ARHGAP21: variants seen among roughly 807,000 people sequenced by gnomAD.
The protein encoded by ARHGAP21 is Rho GTPase activating protein 21.
A neutral mutation model predicts 164.6 loss-of-function variants in ARHGAP21; 38 were observed. That is an observed-to-expected ratio of 0.23 (90% CI 0.18 to 0.30). The LOEUF (loss-of-function observed/expected upper bound fraction) is 0.30, where lower values mean the gene tolerates loss of function less well. ARHGAP21 is among the 10% of genes least tolerant of loss of function. The pLI, the probability that ARHGAP21 is intolerant of heterozygous loss-of-function variation, is 1.00. For synonymous variants in ARHGAP21, 766 were observed against 857.9 expected, an observed-to-expected ratio of 0.89 and a Z score of 1.87; for missense variants, 1,822 against 2,370.7, an observed-to-expected ratio of 0.77 and a Z score of 4.81.
chr10:24,660,961 A>G (rs1329024060), intron 4 of ARHGAP21, among the ~76,000 whole-genome samples: 1 of 152,120 alleles, frequency 6.6e-6, no homozygotes, highest in Non-Finnish European at 1.5e-5. Context: ...ACTGTCATCA[A>G]CTTTGGATGG....
At chr10:24,697,317 T>C (rs1273766539) in intron 2 of ARHGAP21, among the ~76,000 whole-genome samples, 2 of 151,428 alleles carry the variant, frequency 1.3e-5, no homozygotes, top group Non-Finnish European at 2.9e-5. Flanking sequence ...ATATGACAAA[T>C]AGAGGGATGA....
intron 9 of ARHGAP21, among the ~76,000 whole-genome samples, chr10:24,608,232 C>T (rs1213843090): frequency 1.3e-5 from 2 of 152,142 alleles, no homozygotes; most frequent in Non-Finnish European, 2.9e-5. Context: ...TCATGTAACA[C>T]CCTGAAAGAA....
At chr10:24,619,113 G>T (rs555728169) in intron 9 of ARHGAP21, among the ~76,000 whole-genome samples, 2 of 152,282 alleles carry the variant, frequency 1.3e-5, no homozygotes, top group Non-Finnish European at 2.9e-5. Flanking sequence ...TGAAAGGTTG[G>T]TAACTAATTA....
intron 2 of ARHGAP21, among the ~76,000 whole-genome samples, chr10:24,682,464 CCA>C (rs1174568262): frequency 6.6e-6 from 1 of 152,134 alleles, no homozygotes; most frequent in Non-Finnish European, 1.5e-5. Context: ...AGTCCTAATG[CCA>C]CAGAGATCAA....
chr10:24,675,928 A>C (rs1841175006), intron 2 of ARHGAP21, among the ~76,000 whole-genome samples: 1 of 152,198 alleles, frequency 6.6e-6, no homozygotes, highest in Non-Finnish European at 1.5e-5. Context: ...CAGGCAGATC[A>C]CCTGAGGTCA....
intron 2 of ARHGAP21, among the ~76,000 whole-genome samples, chr10:24,700,160 CCA>C (rs1044428444): frequency 3.7e-4 from 56 of 152,318 alleles, no homozygotes; most frequent in African/African-American, 1.3e-3. Context: ...CCTGCAAGAT[CCA>C]CCTGTGGAAA....
chr10:24,700,611 C>G (rs1030772915), intron 2 of ARHGAP21, among the ~76,000 whole-genome samples: 1 of 152,112 alleles, frequency 6.6e-6, no homozygotes, highest in African/African-American at 2.4e-5. Flanking sequence ...AATTTAGGAT[C>G]TTATCCAGTG....
At chr10:24,589,096 A>T (rs1453905487) in intron 25 of ARHGAP21, among the ~76,000 whole-genome samples, 175 bp downstream of exon 25, 2 of 152,160 alleles carry the variant, frequency 1.3e-5, no homozygotes, top group African/African-American at 4.8e-5. Flanking sequence ...TCTTATTCCA[A>T]CTCAAAATCT....
At chr10:24,613,372 G>A (rs2077348363) in intron 9 of ARHGAP21, among the ~76,000 whole-genome samples, 1 of 152,080 alleles carries the variant, frequency 6.6e-6, no homozygotes, top group South Asian at 2.1e-4. Context: ...GGTGATGGGT[G>A]CCCATCACCT....
intron 12 of ARHGAP21, 23 bp from the exon 13 acceptor site, chr10:24,602,126 A>G: frequency 6.3e-7 from 1 of 1,596,388 alleles, no homozygotes; most frequent in Non-Finnish European, 8.5e-7. Context: ...CCAAGAAAAC[A>G]GTAAAATGTC....
chr10:24,622,234 G>A (rs1432933777), intron 8 of ARHGAP21, among the ~76,000 whole-genome samples: 2 of 151,564 alleles, frequency 1.3e-5, no homozygotes, highest in Admixed American at 6.6e-5. Context: ...ACAAAACAGA[G>A]CTCATCAGTG....
At chr10:24,611,196 C>T (rs2077244896) in intron 9 of ARHGAP21, among the ~76,000 whole-genome samples, 1 of 152,214 alleles carries the variant, frequency 6.6e-6, no homozygotes, top group Non-Finnish European at 1.5e-5. Flanking sequence ...TCCACAGAGA[C>T]TGGCCAAGGG....
At chr10:24,654,322 AGAG>A (rs1838554746) in intron 4 of ARHGAP21, among the ~76,000 whole-genome samples, 1 of 152,310 alleles carries the variant, frequency 6.6e-6, no homozygotes, top group African/African-American at 2.4e-5. Flanking sequence ...AATTAGGAAA[AGAG>A]GAGGTCAAAT....
At chr10:24,639,919 C>CAAA (rs56817024) in intron 4 of ARHGAP21, among the ~76,000 whole-genome samples, 28 of 149,022 alleles carry the variant, frequency 1.9e-4, no homozygotes, top group East Asian at 5.9e-4. Flanking sequence ...ATTAAGTATA[C>CAAA]AAAAAAAAAC....
At chr10:24,718,985 A>G (rs1845659084) in intron 2 of ARHGAP21, among the ~76,000 whole-genome samples, 1 of 152,140 alleles carries the variant, frequency 6.6e-6, no homozygotes, top group South Asian at 2.1e-4. Context: ...AGATGAAGCT[A>G]TATGGATATG....
In ARHGAP21 at chr10:24,585,294, G is replaced by A; in HGVS notation, c.4995C>T (p.Ser1665=). The change falls in exon 26 of 26, where the codon AGC becomes AGT. Residue 1665 remains serine (S), a synonymous_variant. Transcript: ENST00000396432. ...ATTCACTTCCTTCAGAATTTCTCCG[G>A]CTGCTCTTAGTCACTTCTTGCAGTT... ...RGKLQEVTKS[S]RRNSEGSELS... 1.2e-6 allele frequency: 2 copies of A among 1,609,774 alleles called. No homozygotes were observed. Among genetic ancestry groups the A allele is most frequent in the Non-Finnish European group, 8.5e-7 (1 of 1,179,530 alleles).
At chr10:24,678,410 C>T (rs1007348156) in intron 2 of ARHGAP21, among the ~76,000 whole-genome samples, 4 of 152,170 alleles carry the variant, frequency 2.6e-5, no homozygotes, top group Admixed American at 6.5e-5. Context: ...TATACCTACA[C>T]CTGCTCTCTC....
intron 4 of ARHGAP21, among the ~76,000 whole-genome samples, chr10:24,648,457 T>C (rs1837807369): frequency 6.6e-6 from 1 of 152,212 alleles, no homozygotes; most frequent in Admixed American, 6.5e-5. Context: ...CAAAGTTCCA[T>C]GTTTTCTCCA....
chr10:24,596,545 A>T, intron 17 of ARHGAP21, 195 bp downstream of exon 17: 2 of 666,938 alleles, frequency 3.0e-6, no homozygotes, highest in South Asian at 2.3e-5. Context: ...ATGGTTGAAT[A>T]ATTATTCAAT....
Sources: allele counts gnomAD v4.1 joint callset (sites outside exome capture counted in the v4.1 genomes callset), GRCh38; gene constraint gnomAD v4.1.1; transcripts MANE v1.5; gene names NCBI Gene and HGNC (gene_info 2026-07-23, HGNC 2026-07-21).